FLT4: variants seen among roughly 807,000 people sequenced by gnomAD.
The protein encoded by FLT4 is fms related receptor tyrosine kinase 4, also known as vascular endothelial growth factor receptor 3.
A neutral mutation model predicts 163.2 loss-of-function variants in FLT4; 30 were observed. The observed-to-expected ratio is 0.18, with a 90% CI of 0.14 to 0.25. The LOEUF (loss-of-function observed/expected upper bound fraction) is 0.25, where lower values mean the gene tolerates loss of function less well. Ranked by LOEUF, FLT4 falls within the 10% of genes least tolerant of loss-of-function variation. The probability of loss-of-function intolerance (pLI) is 1.00; values close to 1 mark genes in which losing one functional copy is unlikely to be tolerated. For missense variants in FLT4, 1,510 were observed against 1,863.8 expected, an observed-to-expected ratio of 0.81 and a Z score of 3.50; for synonymous variants, 884 against 789.5, an observed-to-expected ratio of 1.12 and a Z score of -2.01.
intron 21 of FLT4, 120 bp downstream of exon 21, chr5:180,618,650 G>A (rs2127806084): frequency 9.2e-7 from 1 of 1,086,712 alleles, no homozygotes; most frequent in South Asian, 1.4e-5. Flanking sequence ...TCCTAAGGCA[G>A]AGCCCATTCC....
At chr5:180,647,848 C>G (rs897671097) in intron 1 of FLT4, among the ~76,000 whole-genome samples, 1 of 152,156 alleles carries the variant, frequency 6.6e-6, no homozygotes, top group African/African-American at 2.4e-5. Flanking sequence ...CTACTTACTG[C>G]AGGGAATAGC....
At chr5:180,648,821 C>T (rs898753096) in intron 1 of FLT4, among the ~76,000 whole-genome samples, 19 of 152,366 alleles carry the variant, frequency 1.2e-4, no homozygotes, top group Middle Eastern at 3.4e-3. Flanking sequence ...GCCCCTGTCC[C>T]CTCAAATCCG....
chr5:180,619,697 C>A lies in FLT4; in HGVS notation c.2615G>T (p.Ser872Ile), dbSNP rs35436199. The change falls in exon 18 of 30, where the codon AGC becomes ATC. Residue 872 changes from serine (S) to isoleucine (I), a missense_variant. Transcript: ENST00000261937. ...ASAFGIHKGS[S>I]CDTVAVKMLK... ...CATTTTCACGGCCACGGTGTCACAGCTGCTGCCCTTGTGGATGCCGAAAGC... is the reference window on the plus strand; with the variant it reads ...CATTTTCACGGCCACGGTGTCACAGATGCTGCCCTTGTGGATGCCGAAAGC... 1 of 1,612,592 alleles carries A rather than the reference C, an allele frequency of 6.2e-7. No individual in the cohort carries two copies. The highest frequency in any genetic ancestry group is 8.5e-7 in the Non-Finnish European group (1 of 1,179,906).
At chr5:180,611,262 G>A in intron 27 of FLT4, 69 bp downstream of exon 27, 1 of 1,566,418 alleles carries the variant, frequency 6.4e-7, no homozygotes. Context: ...CGATGACGCA[G>A]AGGGATAAAA....
At chr5:180,610,131 C>T (rs555884475) in intron 27 of FLT4, 106 bp from the exon 28 acceptor site, 55 of 1,548,574 alleles carry the variant, frequency 3.6e-5, no homozygotes, top group Admixed American at 1.0e-4. Flanking sequence ...GGACCCCCCG[C>T]CTGGGGCAGG....
In FLT4 at chr5:180,629,730, C is replaced by A. The variant is rs1195920577; in HGVS notation, c.782G>T (p.Gly261Val). The A allele has an allele frequency of 1.9e-6, 3 of 1,611,978 alleles. No individual in the cohort carries two copies. Among genetic ancestry groups the A allele is most frequent in the Non-Finnish European group, 2.5e-6 (3 of 1,179,666 alleles). ...TGGGTAGTCCCAGTCAAAGGTGACA[C>A]CTGAGTTAAACTCAGCCCACACGGT... ...NCTVWAEFNSGVTFDWDYPGK... is the reference protein window; with the variant it reads ...NCTVWAEFNSVVTFDWDYPGK... The change falls in exon 6 of 30, where the codon GGT becomes GTT. Residue 261 changes from glycine to valine, a missense_variant. Transcript: ENST00000261937.
chr5:180,604,608 G>T (rs771376265), intron 29 of FLT4, among the ~76,000 whole-genome samples: 36 of 152,158 alleles, frequency 2.4e-4, no homozygotes, highest in Non-Finnish European at 4.8e-4. Flanking sequence ...CTTGACCTAG[G>T]GGGTGGTTTC....
At chr5:180,605,469 A>T (rs558074032) in intron 29 of FLT4, among the ~76,000 whole-genome samples, 270 of 152,238 alleles carry the variant, frequency 1.8e-3, no homozygotes, top group African/African-American at 6.2e-3. Flanking sequence ...GGGAAGTTTT[A>T]ACTCTAATAC....
chr5:180,610,381 C>T (rs1484151658), intron 27 of FLT4, among the ~76,000 whole-genome samples: 6 of 152,250 alleles, frequency 3.9e-5, no homozygotes, highest in African/African-American at 9.6e-5. Flanking sequence ...CTGCCCTGCC[C>T]GTACGTGGGT....
intron 1 of FLT4, among the ~76,000 whole-genome samples, chr5:180,647,249 G>A (rs1304196838): frequency 6.6e-6 from 1 of 152,162 alleles, no homozygotes; most frequent in East Asian, 1.9e-4. Context: ...CCTCTCCACT[G>A]GGGCAAGACT....
At chr5:180,609,584 G>T in intron 28 of FLT4, 1 of 400,610 alleles carries the variant, frequency 2.5e-6, no homozygotes, top group South Asian at 2.3e-5. Context: ...CTCCCATGGG[G>T]CCCCTCTGCC....
intron 1 of FLT4, 59 bp from the exon 2 acceptor site, chr5:180,631,837 G>C: frequency 1.7e-6 from 2 of 1,152,676 alleles, no homozygotes; most frequent in Non-Finnish European, 2.6e-6. Flanking sequence ...GACGTTGATG[G>C]GGCATGGCTG....
intron 29 of FLT4, chr5:180,608,226 A>G (rs540773287): frequency 5.1e-5 from 36 of 700,818 alleles, no homozygotes; most frequent in Middle Eastern, 3.7e-4. Flanking sequence ...GATCTTTCTT[A>G]TAAGTGCAGA....
Position 180,629,239 on chromosome 5 carries a change from C to G in FLT4, c.985+20G>C. 1 of 1,612,570 alleles carries G rather than the reference C, an allele frequency of 6.2e-7. No homozygotes were observed. The highest frequency in any genetic ancestry group is 8.5e-7 in the Non-Finnish European group (1 of 1,179,890). ...GCCCAGGCCCACAGGGCACAAGGAC[C>G]CTGGTTTCCCAGGCCATACCATGCA... is the stretch of plus-strand genomic sequence containing the variant. On this transcript the variant is annotated intron_variant, in intron 7 of 29. Coordinates refer to ENST00000261937, the MANE Select transcript of FLT4 (RefSeq NM_182925.5).
intron 11 of FLT4, 86 bp from the exon 12 acceptor site, chr5:180,622,925 A>C (rs878996900): frequency 0.012 from 7,121 of 575,230 alleles, 20 homozygotes; most frequent in South Asian, 0.037. Context: ...GTCGCTGTGC[A>C]CCACCCCCCC....
intron 7 of FLT4, 109 bp from the exon 8 acceptor site, chr5:180,629,108 G>A: frequency 1.4e-6 from 2 of 1,440,356 alleles, no homozygotes; most frequent in Middle Eastern, 1.7e-4. Flanking sequence ...CCGCAGACTG[G>A]GGCTGGCCAT....
intron 26 of FLT4, chr5:180,611,783 G>A (rs1159156659): frequency 1.0e-5 from 5 of 492,580 alleles, no homozygotes; most frequent in Non-Finnish European, 3.7e-6. Flanking sequence ...CAGATAAGGG[G>A]TCAAGGTAGC....
intron 24 of FLT4, chr5:180,613,476 TGCTCCCCCCAACCCCTGC>T (rs1320099172): frequency 6.5e-4 from 178 of 274,360 alleles, no homozygotes; most frequent in African/African-American, 2.9e-3. Flanking sequence ...CTTCTCCTGC[TGCTCCCCCCAACCCCTGC>T]TGCTCCCCCC....
intron 29 of FLT4, among the ~76,000 whole-genome samples, chr5:180,607,631 A>T: frequency 1.1e-5 from 1 of 93,956 alleles, no homozygotes; most frequent in Non-Finnish European, 2.7e-5. Flanking sequence ...ACAGAGCGAG[A>T]CTGTCTCAAA....
Sources: allele counts gnomAD v4.1 joint callset (sites outside exome capture counted in the v4.1 genomes callset), GRCh38; gene constraint gnomAD v4.1.1; transcripts MANE v1.5; gene names NCBI Gene and HGNC (gene_info 2026-07-23, HGNC 2026-07-21).